The following LRRTM3 variants were observed in gnomAD, a reference collection of about 807,000 sequenced individuals.
LRRTM3 encodes the protein leucine rich repeat transmembrane neuronal 3.
A neutral mutation model predicts 44.7 loss-of-function variants in LRRTM3; 24 were observed. The ratio of observed to expected loss-of-function variants is 0.54; its 90% CI spans 0.39 to 0.76. LRRTM3 has a LOEUF of 0.76. Ranked by LOEUF, LRRTM3 falls within the 30% of genes least tolerant of loss-of-function variation. LRRTM3 has a pLI of 0.00. For synonymous variants in LRRTM3, 277 were observed against 278.7 expected (o/e 0.99, Z 0.06); for missense variants, 587 against 702.2 (o/e 0.84, Z 1.85).
chr10:66,960,187 T>C (rs1849039930), intron 2 of LRRTM3, among the ~76,000 whole-genome samples: 1 of 152,132 alleles, frequency 6.6e-6, no homozygotes, highest in Non-Finnish European at 1.5e-5. Flanking sequence ...GTGATTATAA[T>C]AAAACCATTT....
chr10:67,076,559 C>G (rs1856763096), intron 2 of LRRTM3, among the ~76,000 whole-genome samples: 2 of 152,156 alleles, frequency 1.3e-5, no homozygotes, highest in African/African-American at 2.4e-5. Flanking sequence ...CATAGAGAAG[C>G]CTGACTTTTA....
intron 2 of LRRTM3, among the ~76,000 whole-genome samples, chr10:66,966,641 C>G (rs1849428200): frequency 6.6e-6 from 1 of 152,014 alleles, no homozygotes; most frequent in Non-Finnish European, 1.5e-5. Context: ...GAGGGGGAAG[C>G]AGTGGCTACA....
chr10:67,055,948 G>A (rs950915554), intron 2 of LRRTM3, among the ~76,000 whole-genome samples: 4 of 152,056 alleles, frequency 2.6e-5, no homozygotes, highest in Non-Finnish European at 5.9e-5. Context: ...TATTTACACT[G>A]ATGATAATGT....
At chr10:67,054,056 A>G (rs1855277900) in intron 2 of LRRTM3, among the ~76,000 whole-genome samples, 1 of 152,168 alleles carries the variant, frequency 6.6e-6, no homozygotes, top group African/African-American at 2.4e-5. Flanking sequence ...ATCTTTGCAG[A>G]TTACAGACAC....
At chr10:66,996,107 G>T (rs551404572) in intron 2 of LRRTM3, among the ~76,000 whole-genome samples, 3 of 152,144 alleles carry the variant, frequency 2.0e-5, no homozygotes, top group South Asian at 4.2e-4. Flanking sequence ...ACTGAACTGT[G>T]GTTCATCTTA....
chr10:67,005,591 C>T (rs1275691761), intron 2 of LRRTM3, among the ~76,000 whole-genome samples: 2 of 147,400 alleles, frequency 1.4e-5, no homozygotes, highest in African/African-American at 2.5e-5. Flanking sequence ...TCTGATGAAT[C>T]GGAAAAAAAG....
At position 67,097,763 on chromosome 10, in the gene LRRTM3, C is replaced by T; in HGVS notation, c.1713C>T (p.Gly571=). The change falls in exon 3 of 3, where the codon GGC becomes GGT. Residue 571 remains glycine, a synonymous_variant. Transcript: ENST00000361320. The part of the protein sequence containing the change: ...ELDLSTITTA[G]RISDHKQQLA ...ACCTGAGCACAATCACAACAGCTGG[C>T]CGAATCAGTGACCATAAACAGCAGC... 1 of 1,612,346 alleles carries T rather than the reference C, an allele frequency of 6.2e-7. No individual in the cohort carries two copies.
At chr10:67,037,225 GT>G (rs1281934515) in intron 2 of LRRTM3, among the ~76,000 whole-genome samples, 3 of 152,116 alleles carry the variant, frequency 2.0e-5, no homozygotes, top group Non-Finnish European at 4.4e-5. Flanking sequence ...TAAGTAATGT[GT>G]CAGTAAGCAT....
intron 2 of LRRTM3, among the ~76,000 whole-genome samples, chr10:67,096,361 A>C (rs2131928746): frequency 6.6e-6 from 1 of 151,936 alleles, no homozygotes; most frequent in African/African-American, 2.4e-5. Context: ...AAAGAATGTA[A>C]AGATGCAGTT....
chr10:66,946,436 T>G (rs1304903621), intron 2 of LRRTM3, among the ~76,000 whole-genome samples: 1 of 152,124 alleles, frequency 6.6e-6, no homozygotes, highest in Non-Finnish European at 1.5e-5. Flanking sequence ...GCACATATGG[T>G]CAATGTACAG....
chr10:66,947,930 G>A (rs903210353), intron 2 of LRRTM3, among the ~76,000 whole-genome samples: 1 of 152,160 alleles, frequency 6.6e-6, no homozygotes, highest in Non-Finnish European at 1.5e-5. Flanking sequence ...CTAGATGACA[G>A]TCTACTACAC....
intron 2 of LRRTM3, among the ~76,000 whole-genome samples, chr10:67,003,192 A>G (rs1589583159): frequency 6.6e-6 from 1 of 152,146 alleles, no homozygotes; most frequent in Non-Finnish European, 1.5e-5. Context: ...GACTGCCCCA[A>G]TTATTCAGGC....
intron 2 of LRRTM3, among the ~76,000 whole-genome samples, chr10:67,068,881 G>A (rs1856260050): frequency 6.6e-6 from 1 of 151,970 alleles, no homozygotes; most frequent in Non-Finnish European, 1.5e-5. Context: ...CCAACATGGT[G>A]AAACCCTGTC....
chr10:67,098,937 T>C lies in LRRTM3; in HGVS notation c.*1141T>C, dbSNP rs183503458. 2 of 152,022 alleles carry C rather than the reference T, an allele frequency of 1.3e-5. No homozygotes were observed. Among genetic ancestry groups the C allele is most frequent in the African/African-American group, 2.4e-5 (1 of 41,538 alleles). The allele number at this position is 152,022 out of a possible 1,614,324, so 9.4% of individuals were successfully genotyped here. On this transcript the variant is annotated 3_prime_UTR_variant, in exon 3 of 3. Coordinates refer to ENST00000361320, the MANE Select transcript of LRRTM3 (RefSeq NM_178011.5). Reference sequence around the variant, plus strand: ...TTGGAAACATTTCAAAGGAAACATATGAATTTGTTTTGCGTTGTGCACTAC... The same window carrying C: ...TTGGAAACATTTCAAAGGAAACATACGAATTTGTTTTGCGTTGTGCACTAC...
At chr10:66,943,149 G>A (rs1848100168) in intron 2 of LRRTM3, among the ~76,000 whole-genome samples, 1 of 152,178 alleles carries the variant, frequency 6.6e-6, no homozygotes, top group South Asian at 2.1e-4. Flanking sequence ...CTTCACTGGA[G>A]ACATGAAAAT....
chr10:66,929,006 C>T (rs1409232210), intron 2 of LRRTM3, among the ~76,000 whole-genome samples: 1 of 152,124 alleles, frequency 6.6e-6, no homozygotes, highest in Non-Finnish European at 1.5e-5. Flanking sequence ...AAAGATGGTG[C>T]TAGGTTAAAG....
At chr10:67,045,642 AGGG>A (rs1270521675) in intron 2 of LRRTM3, among the ~76,000 whole-genome samples, 1 of 152,166 alleles carries the variant, frequency 6.6e-6, no homozygotes, top group Non-Finnish European at 1.5e-5. Flanking sequence ...TCCCAGGACT[AGGG>A]GCACTCCGCA....
intron 2 of LRRTM3, among the ~76,000 whole-genome samples, chr10:66,964,778 G>T (rs1181008644): frequency 6.6e-6 from 1 of 152,256 alleles, no homozygotes; most frequent in Admixed American, 6.5e-5. Flanking sequence ...GGAAAAGGGA[G>T]GAGATAAAGC....
chr10:67,049,096 T>C (rs560036038), intron 2 of LRRTM3, among the ~76,000 whole-genome samples: 10 of 152,100 alleles, frequency 6.6e-5, no homozygotes, highest in Admixed American at 2.6e-4. Context: ...CATTTATAAC[T>C]TGTGGTCTAT....
Sources: allele counts gnomAD v4.1 joint callset (sites outside exome capture counted in the v4.1 genomes callset), GRCh38; gene constraint gnomAD v4.1.1; transcripts MANE v1.5; gene names NCBI Gene and HGNC (gene_info 2026-07-23, HGNC 2026-07-21).